TMEM132D: variants seen among roughly 807,000 people sequenced by gnomAD.
The protein encoded by TMEM132D is mature OL transmembrane protein.
A neutral mutation model predicts 62.3 loss-of-function variants in TMEM132D; 21 were observed. The ratio of observed to expected loss-of-function variants is 0.34; its 90% CI spans 0.24 to 0.49. The LOEUF (loss-of-function observed/expected upper bound fraction) is 0.49. Among genes scored for constraint, TMEM132D ranks in the 20% least tolerant of loss-of-function variants. The probability of loss-of-function intolerance (pLI) is 0.99; values close to 1 mark genes in which losing one functional copy is unlikely to be tolerated. For missense variants in TMEM132D, 1,346 were observed against 1,402.8 expected (o/e 0.96, Z 0.65); for synonymous variants, 621 against 575.6 (o/e 1.08, Z -1.13).
intron 1 of TMEM132D, among the ~76,000 whole-genome samples, chr12:129,764,590 TTG>T (rs1870493843): frequency 3.8e-5 from 1 of 26,172 alleles, no homozygotes; most frequent in Non-Finnish European, 1.3e-4. Context: ...GTATGTGTGT[TTG>T]TATGTGTGTG....
At chr12:129,434,642 A>G (rs59679454) in intron 3 of TMEM132D, among the ~76,000 whole-genome samples, 6,770 of 150,818 alleles carry the variant, frequency 0.045, 429 homozygotes, top group African/African-American at 0.14. Context: ...GGAGACGCAG[A>G]CATTTTTAAA....
chr12:129,312,552 G>T (rs1256149174), intron 4 of TMEM132D, among the ~76,000 whole-genome samples: 1 of 151,988 alleles, frequency 6.6e-6, no homozygotes, highest in African/African-American at 2.4e-5. Context: ...TTTTAGAATA[G>T]TTTTTTTTGT....
intron 2 of TMEM132D, among the ~76,000 whole-genome samples, chr12:129,645,938 C>T (rs986408405): frequency 1.3e-5 from 2 of 152,102 alleles, no homozygotes; most frequent in African/African-American, 4.8e-5. Context: ...CCAGGAACTC[C>T]CCTCCCTCCC....
intron 1 of TMEM132D, among the ~76,000 whole-genome samples, chr12:129,821,156 C>T (rs960504508): frequency 1.3e-5 from 2 of 152,078 alleles, no homozygotes; most frequent in African/African-American, 4.8e-5. Context: ...ATCAAAAATG[C>T]TTAAGAAATA....
intron 2 of TMEM132D, among the ~76,000 whole-genome samples, chr12:129,581,486 G>A (rs148734684): frequency 0.06 from 9,105 of 152,320 alleles, 366 homozygotes; most frequent in Non-Finnish European, 0.087. Flanking sequence ...GAAGCCGACA[G>A]TGCAGCCTTC....
At chr12:129,378,605 T>G (rs7955102) in intron 3 of TMEM132D, among the ~76,000 whole-genome samples, 150,334 of 152,280 alleles carry the variant, frequency 0.99, 74,230 homozygotes, top group East Asian at 1. Context: ...CCTTCTCAGG[T>G]CTGTCTGCCC....
intron 3 of TMEM132D, among the ~76,000 whole-genome samples, chr12:129,446,487 A>G (rs1006941254): frequency 6.6e-6 from 1 of 152,198 alleles, no homozygotes; most frequent in African/African-American, 2.4e-5. Context: ...GAGAGACAAG[A>G]TCTCTGTCCT....
intron 3 of TMEM132D, among the ~76,000 whole-genome samples, chr12:129,396,064 T>C (rs1871420652): frequency 6.7e-6 from 1 of 149,300 alleles, no homozygotes; most frequent in Non-Finnish European, 1.5e-5. Context: ...TATATGTCTA[T>C]ATATTATGTA....
chr12:129,273,432 T>C (rs1010582203), intron 4 of TMEM132D, among the ~76,000 whole-genome samples: 2 of 96,110 alleles, frequency 2.1e-5, no homozygotes, highest in African/African-American at 7.6e-5. Flanking sequence ...TAAATCAGCC[T>C]GTCAAAAAAA....
chr12:129,825,705 C>T (rs575796961), intron 1 of TMEM132D, among the ~76,000 whole-genome samples: 2 of 152,220 alleles, frequency 1.3e-5, no homozygotes, highest in African/African-American at 2.4e-5. Flanking sequence ...ACTGTGCCCT[C>T]GGGACGCCCA....
chr12:129,096,162 C>T (rs1309000842), intron 5 of TMEM132D, among the ~76,000 whole-genome samples: 1 of 152,104 alleles, frequency 6.6e-6, no homozygotes, highest in African/African-American at 2.4e-5. Flanking sequence ...TATTACAATC[C>T]CCACTGTGCA....
chr12:129,404,540 T>G (rs1181953620), intron 3 of TMEM132D, among the ~76,000 whole-genome samples: 3 of 152,162 alleles, frequency 2.0e-5, no homozygotes, highest in Admixed American at 1.3e-4. Context: ...TTTAATCGGT[T>G]TGTTTCTGCA....
At chr12:129,479,424 G>A (rs1034747590) in intron 3 of TMEM132D, among the ~76,000 whole-genome samples, 1 of 152,012 alleles carries the variant, frequency 6.6e-6, no homozygotes, top group Non-Finnish European at 1.5e-5. Flanking sequence ...TTGGTGGGGG[G>A]AATCCTGGCT....
intron 3 of TMEM132D, among the ~76,000 whole-genome samples, chr12:129,357,905 G>A (rs190595727): frequency 8.5e-5 from 13 of 152,342 alleles, no homozygotes; most frequent in Admixed American, 1.3e-4. Flanking sequence ...TTATCAAGAT[G>A]AAAGTCAAGA....
intron 3 of TMEM132D, among the ~76,000 whole-genome samples, chr12:129,392,393 G>A (rs1238680049): frequency 1.3e-5 from 2 of 152,172 alleles, no homozygotes; most frequent in Non-Finnish European, 2.9e-5. Flanking sequence ...CCAGCTGACT[G>A]AACAACAAGA....
intron 1 of TMEM132D, among the ~76,000 whole-genome samples, chr12:129,825,186 T>C (rs1385593975): frequency 3.3e-5 from 5 of 150,866 alleles, no homozygotes; most frequent in Admixed American, 3.3e-4. Flanking sequence ...TTTTTGTATT[T>C]TTTTTTTTTT....
chr12:129,512,222 G>T (rs945527221), intron 3 of TMEM132D, among the ~76,000 whole-genome samples: 1 of 152,116 alleles, frequency 6.6e-6, no homozygotes, highest in African/African-American at 2.4e-5. Context: ...CCCTATTCCT[G>T]TGTCTCCGGC....
intron 5 of TMEM132D, among the ~76,000 whole-genome samples, chr12:129,159,758 CAAAAA>C (rs1188064357): frequency 7.3e-5 from 2 of 27,392 alleles, no homozygotes; most frequent in African/African-American, 1.1e-4. Context: ...GACTCGGGCT[CAAAAA>C]AAAAAAAAAA....
intron 5 of TMEM132D, among the ~76,000 whole-genome samples, chr12:129,126,139 G>A (rs1432563900): frequency 5.9e-5 from 9 of 152,068 alleles, no homozygotes; most frequent in Admixed American, 5.9e-4. Flanking sequence ...TGTCGCTTAA[G>A]GTACATGTCT....
Sources: gnomAD v4.1 joint callset for allele counts (sites outside exome capture counted in the v4.1 genomes callset) on GRCh38, gnomAD v4.1.1 for gene constraint, MANE v1.5 for transcripts, NCBI Gene and HGNC (gene_info 2026-07-23, HGNC 2026-07-21) for gene names.